CNTN4: variants seen among roughly 807,000 people sequenced by gnomAD.
The protein encoded by CNTN4 is contactin 4.
Under a neutral mutation model 122.5 loss-of-function variants are expected in CNTN4, and 77 were observed. That is an observed-to-expected ratio of 0.63 (90% CI 0.52 to 0.76). CNTN4 has a LOEUF of 0.76. Ranked by LOEUF, CNTN4 falls within the 30% of genes least tolerant of loss-of-function variation. CNTN4 has a pLI of 0.00. For missense variants in CNTN4, 1,256 were observed against 1,259.1 expected, an observed-to-expected ratio of 1.00 and a Z score of 0.04; for synonymous variants, 512 against 447.0, an observed-to-expected ratio of 1.15 and a Z score of -1.83.
At chr3:2,567,261 T>A (rs1352247211) in intron 3 of CNTN4, among the ~76,000 whole-genome samples, 2 of 152,032 alleles carry the variant, frequency 1.3e-5, no homozygotes, top group African/African-American at 4.8e-5. Context: ...TAATTTTTTC[T>A]ATTTTTAGTA....
chr3:2,130,949 A>G (rs1325889868), intron 2 of CNTN4, among the ~76,000 whole-genome samples: 1 of 152,200 alleles, frequency 6.6e-6, no homozygotes, highest in Non-Finnish European at 1.5e-5. Context: ...CATCTTTTTC[A>G]GCTGAGGTCA....
chr3:2,275,847 G>A (rs1282406611), intron 2 of CNTN4, among the ~76,000 whole-genome samples: 1 of 149,672 alleles, frequency 6.7e-6, no homozygotes, highest in East Asian at 2.0e-4. Flanking sequence ...GTGAACCTGG[G>A]AGGTATAGGT....
intron 14 of CNTN4, among the ~76,000 whole-genome samples, chr3:3,000,237 A>G: frequency 6.6e-6 from 1 of 152,160 alleles, no homozygotes; most frequent in East Asian, 1.9e-4. Context: ...AGAGGGGGGA[A>G]ATATAGAGAT....
At chr3:2,634,499 A>G (rs1389504836) in intron 4 of CNTN4, among the ~76,000 whole-genome samples, 2 of 152,078 alleles carry the variant, frequency 1.3e-5, no homozygotes, top group African/African-American at 2.4e-5. Flanking sequence ...ACTCAATGCT[A>G]TAATAGCTTT....
intron 2 of CNTN4, among the ~76,000 whole-genome samples, chr3:2,148,012 TTTCTC>T (rs1257705906): frequency 6.6e-6 from 1 of 152,160 alleles, no homozygotes; most frequent in Non-Finnish European, 1.5e-5. Context: ...TTGATGTTGA[TTTCTC>T]TGAAGCTGGC....
intron 6 of CNTN4, among the ~76,000 whole-genome samples, chr3:2,804,714 A>T (rs761649165): frequency 4.0e-5 from 6 of 150,346 alleles, no homozygotes; most frequent in African/African-American, 1.5e-4. Flanking sequence ...AGCTCACCCA[A>T]CCACACCCAC....
At chr3:2,545,556 A>C (rs748780434) in intron 3 of CNTN4, among the ~76,000 whole-genome samples, 5 of 151,160 alleles carry the variant, frequency 3.3e-5, no homozygotes, top group Non-Finnish European at 5.9e-5. Flanking sequence ...TCTTGGTTGC[A>C]TATATATTTA....
chr3:2,415,954 A>C (rs1404124603), intron 3 of CNTN4, among the ~76,000 whole-genome samples: 2 of 152,114 alleles, frequency 1.3e-5, no homozygotes, highest in African/African-American at 2.4e-5. Flanking sequence ...TAATACTCTT[A>C]ACTACCGGGC....
rs2046205445 is a variant in CNTN4, at chr3:2,385,263, T to G, written c.-89+46030T>G. On this transcript the variant is annotated intron_variant, in intron 3 of 24. Coordinates refer to ENST00000418658, the MANE Select transcript of CNTN4 (RefSeq NM_175607.3). This position sits in a 1 kb window ranked among gnomAD's most constrained non-coding sequence, Gnocchi z 4.0. ...TTATTTTTTATTTTTATTTCTACAC[T>G]TTTTATTTCTACAGTAATATCAAAT... Among the ~76,000 whole-genome samples, 1 of 152,176 alleles carries G rather than the reference T, an allele frequency of 6.6e-6. No homozygotes were observed. Among genetic ancestry groups the G allele is most frequent in the Non-Finnish European group, 1.5e-5 (1 of 68,038 alleles).
At chr3:2,426,385 A>G (rs35758374) in intron 3 of CNTN4, among the ~76,000 whole-genome samples, 25,922 of 152,016 alleles carry the variant, frequency 0.17, 2,891 homozygotes, top group Middle Eastern at 0.26. Flanking sequence ...GATTTTCGTT[A>G]TGTTGAAGCA....
intron 3 of CNTN4, among the ~76,000 whole-genome samples, chr3:2,475,868 C>A (rs559516044): frequency 6.6e-6 from 1 of 151,714 alleles, no homozygotes; most frequent in Non-Finnish European, 1.5e-5. Context: ...AACTCATATG[C>A]TCTACACAGT....
At chr3:2,499,509 C>G (rs552110204) in intron 3 of CNTN4, among the ~76,000 whole-genome samples, 24 of 152,046 alleles carry the variant, frequency 1.6e-4, no homozygotes, top group African/African-American at 5.1e-4. Flanking sequence ...GAATTACATA[C>G]CAATAAAACT....
At chr3:2,253,680 C>T (rs113771452) in intron 2 of CNTN4, among the ~76,000 whole-genome samples, 12,394 of 151,248 alleles carry the variant, frequency 0.082, 820 homozygotes, top group African/African-American at 0.18. Context: ...CGCACTCTGT[C>T]ACCCAGGCTG....
intron 2 of CNTN4, among the ~76,000 whole-genome samples, chr3:2,316,933 C>G (rs754258150): frequency 1.3e-5 from 2 of 152,042 alleles, no homozygotes; most frequent in Non-Finnish European, 2.9e-5. Context: ...GACAGTGATC[C>G]CATATATTTC....
At position 2,986,145 on chromosome 3, in the gene CNTN4, G is replaced by A. The variant is rs1349523838; in HGVS notation, c.1359-2200G>A. ...GCCCAGACTGGTCTCAAACTCCTGAGCTCAAGTGATCCTCCTGCCTCAGCC... is the reference window on the plus strand; with the variant it reads ...GCCCAGACTGGTCTCAAACTCCTGAACTCAAGTGATCCTCCTGCCTCAGCC... On this transcript the variant is annotated intron_variant, in intron 13 of 24. Coordinates refer to ENST00000418658, the MANE Select transcript of CNTN4 (RefSeq NM_175607.3). Among the ~76,000 whole-genome samples the A allele has an allele frequency of 3.3e-5, 5 of 152,098 alleles. 1 individual carries two copies. The highest frequency in any genetic ancestry group is 9.6e-5 in the African/African-American group (4 of 41,502).
chr3:2,970,012 C>G (rs1183491698), intron 13 of CNTN4, among the ~76,000 whole-genome samples: 1 of 152,154 alleles, frequency 6.6e-6, no homozygotes, highest in African/African-American at 2.4e-5. Flanking sequence ...ACCCTCTGCA[C>G]AGAAAGAAAT....
chr3:2,177,666 G>GTGTGTC (rs1325045318), intron 2 of CNTN4, among the ~76,000 whole-genome samples: 4 of 148,270 alleles, frequency 2.7e-5, no homozygotes, highest in Non-Finnish European at 6.0e-5. Context: ...TTGTGTGTGT[G>GTGTGTC]TGTGTGTGTG....
At chr3:2,547,628 A>G (rs77820949) in intron 3 of CNTN4, among the ~76,000 whole-genome samples, 13,114 of 152,152 alleles carry the variant, frequency 0.086, 748 homozygotes, top group Non-Finnish European at 0.13. Flanking sequence ...AAACATTTAG[A>G]AAGTTGGGAA....
At chr3:2,340,710 T>TAGAGAGAGAGAGAGAGAGAGAGGGGGAG (rs1553627559) in intron 3 of CNTN4, among the ~76,000 whole-genome samples, 541 of 18,286 alleles carry the variant, frequency 0.03, 45 homozygotes, top group Non-Finnish European at 0.059. Flanking sequence ...TATATATATA[T>TAGAGAGAGAGAGAGAGAGAGAGGGGGAG]AGAGAGAGAG....
Sources: allele counts gnomAD v4.1 joint callset (sites outside exome capture counted in the v4.1 genomes callset), GRCh38; gene constraint gnomAD v4.1.1; non-coding constraint Gnocchi (gnomAD v3.1); transcripts MANE v1.5; gene names NCBI Gene and HGNC (gene_info 2026-07-23, HGNC 2026-07-21).